The following XKR6 variants were observed in gnomAD, a reference collection of about 807,000 sequenced individuals.
XKR6 encodes the protein XK related 6, also known as XK-related protein 6.
Under a neutral mutation model 56.7 loss-of-function variants are expected in XKR6, and 22 were observed. That is an observed-to-expected ratio of 0.39 (90% confidence interval 0.28 to 0.55). The LOEUF (loss-of-function observed/expected upper bound fraction) is 0.55. Among genes scored for constraint, XKR6 ranks in the 20% least tolerant of loss-of-function variants. The pLI, the probability that XKR6 is intolerant of heterozygous loss-of-function variation, is 0.66. For missense variants in XKR6, 852 were observed against 889.0 expected (o/e 0.96, Z 0.53); for synonymous variants, 524 against 387.8 (o/e 1.35, Z -4.13).
At chr8:11,033,924 C>A (rs1235559359) in intron 1 of XKR6, among the ~76,000 whole-genome samples, 1 of 152,164 alleles carries the variant, frequency 6.6e-6, no homozygotes, top group African/African-American at 2.4e-5. Flanking sequence ...GAAACTGAGG[C>A]CTGCAGAGAA....
intron 1 of XKR6, among the ~76,000 whole-genome samples, chr8:11,073,373 T>G (rs1203508571): frequency 6.6e-6 from 1 of 152,060 alleles, no homozygotes; most frequent in Non-Finnish European, 1.5e-5. Context: ...CAGAGATGCA[T>G]CCTGCCTCCA....
At chr8:10,925,270 G>A (rs574640630) in intron 1 of XKR6, among the ~76,000 whole-genome samples, 7 of 152,316 alleles carry the variant, frequency 4.6e-5, no homozygotes, top group Admixed American at 1.3e-4. Flanking sequence ...GGAAGCGGGT[G>A]AACATTTCTG....
chr8:11,168,476 CAGAT>C (rs1269005900), intron 1 of XKR6, among the ~76,000 whole-genome samples: 2 of 152,030 alleles, frequency 1.3e-5, no homozygotes, highest in African/African-American at 2.4e-5. Context: ...TATTCAATAA[CAGAT>C]AGAAGAACTT....
At chr8:11,079,201 C>T (rs193162696) in intron 1 of XKR6, among the ~76,000 whole-genome samples, 47 of 152,288 alleles carry the variant, frequency 3.1e-4, no homozygotes, top group African/African-American at 1.1e-3. Flanking sequence ...GGGCAGAGCT[C>T]TGTGTGTGTC....
intron 1 of XKR6, among the ~76,000 whole-genome samples, chr8:11,192,183 G>T (rs1031977678): frequency 6.6e-6 from 1 of 151,892 alleles, no homozygotes; most frequent in Non-Finnish European, 1.5e-5. Flanking sequence ...TTGTGAGGTG[G>T]AGTCTCGCTC....
At chr8:11,000,643 C>T (rs1355442600) in intron 1 of XKR6, among the ~76,000 whole-genome samples, 1 of 152,170 alleles carries the variant, frequency 6.6e-6, no homozygotes, top group African/African-American at 2.4e-5. Flanking sequence ...CAAGATCGCA[C>T]CACTGCACTC....
intron 1 of XKR6, among the ~76,000 whole-genome samples, chr8:11,011,869 G>A (rs1014663806): frequency 1.3e-5 from 2 of 152,196 alleles, no homozygotes; most frequent in Admixed American, 6.5e-5. Context: ...CTGGGGAGGG[G>A]GATAGCATGA....
chr8:10,984,732 C>CTATATATATATATATATATATATATATA (rs58774414), intron 1 of XKR6, among the ~76,000 whole-genome samples: 17 of 47,478 alleles, frequency 3.6e-4, no homozygotes, highest in Admixed American at 6.0e-4. Flanking sequence ...CTCTCTCTCT[C>CTATATATATATATATATATATATATATA]TATATATATA....
chr8:11,172,887 G>T (rs1186190354), intron 1 of XKR6, among the ~76,000 whole-genome samples: 1 of 152,074 alleles, frequency 6.6e-6, no homozygotes, highest in Non-Finnish European at 1.5e-5. Context: ...AAAACCACAA[G>T]AAAGATTCTT....
chr8:11,020,347 A>T (rs35083028), intron 1 of XKR6, among the ~76,000 whole-genome samples: 13 of 152,054 alleles, frequency 8.5e-5, no homozygotes, highest in African/African-American at 3.1e-4. Context: ...AAATGCATCC[A>T]TCCATCCATC....
chr8:11,066,458 T>C (rs1033754130), intron 1 of XKR6, among the ~76,000 whole-genome samples: 1 of 152,240 alleles, frequency 6.6e-6, no homozygotes, highest in Non-Finnish European at 1.5e-5. Flanking sequence ...CTAGTTGTGG[T>C]TCTGCCTCCT....
intron 2 of XKR6, among the ~76,000 whole-genome samples, chr8:10,914,773 G>A (rs1445303613): frequency 1.3e-5 from 2 of 152,220 alleles, no homozygotes; most frequent in African/African-American, 4.8e-5. Flanking sequence ...CCCTGGGGCA[G>A]GCCAGGCTGT....
At position 11,200,399 on chromosome 8, in the gene XKR6, G is replaced by C. The variant is rs142546866; in HGVS notation, c.764+177C>G. Among the ~76,000 whole-genome samples the C allele has an allele frequency of 7.1e-4, 108 of 152,346 alleles. No homozygotes were observed. The highest frequency in any genetic ancestry group is 1.2e-3 in the Non-Finnish European group (82 of 68,024). On this transcript the variant is annotated intron_variant, in intron 1 of 2. Transcript: ENST00000416569. The surrounding 1 kb of genome is among the most constrained non-coding windows in gnomAD (Gnocchi z 6.4). ...GTCTCGGCCTCCCCGGGCCAAAGGCGTGGCCAGGGATCCAGATCAAACGCC... is the reference window on the plus strand; with the variant it reads ...GTCTCGGCCTCCCCGGGCCAAAGGCCTGGCCAGGGATCCAGATCAAACGCC...
intron 1 of XKR6, among the ~76,000 whole-genome samples, chr8:11,196,017 G>A (rs1231162532): frequency 2.7e-5 from 4 of 149,562 alleles, no homozygotes; most frequent in Non-Finnish European, 4.4e-5. Flanking sequence ...AGCATATAAA[G>A]TACACTCTCT....
At chr8:10,953,858 C>T (rs930946635) in intron 1 of XKR6, among the ~76,000 whole-genome samples, 1 of 152,200 alleles carries the variant, frequency 6.6e-6, no homozygotes, top group African/African-American at 2.4e-5. Context: ...TGCTAGTCTA[C>T]TTTCTGTCTC....
Position 10,951,239 on chromosome 8 carries a change from TG to T in XKR6, c.765-26410del, listed in dbSNP as rs370418440. ...AGCAAATAGTGATGGAAACTCATGC[TG>T]GGGGGACAAGGGCTGTGGGGAAAAT... On this transcript the variant is annotated intron_variant, in intron 1 of 2. Transcript: ENST00000416569. 6.2e-3 allele frequency among the ~76,000 whole-genome samples: 829 copies of T among 132,978 alleles called. 8 individuals carry two copies. The highest frequency in any genetic ancestry group is 0.023 in the African/African-American group (791 of 34,660). 87.2% of individuals were successfully genotyped at this position (132,978 alleles called of 152,430 possible). A position where few individuals can be genotyped will look rare whatever the true frequency, so the allele number is the denominator to read the frequency against.
chr8:11,000,031 A>G (rs540563822), intron 1 of XKR6, among the ~76,000 whole-genome samples: 1 of 152,344 alleles, frequency 6.6e-6, no homozygotes, highest in African/African-American at 2.4e-5. Context: ...GACAACTTCA[A>G]AACTCCACTT....
chr8:11,014,142 C>A (rs969075335), intron 1 of XKR6, among the ~76,000 whole-genome samples: 2 of 152,122 alleles, frequency 1.3e-5, no homozygotes, highest in Non-Finnish European at 2.9e-5. Flanking sequence ...ACTCTGGTAC[C>A]GGGTCAGCAT....
chr8:11,060,516 G>C (rs866534571), intron 1 of XKR6, among the ~76,000 whole-genome samples: 1 of 152,198 alleles, frequency 6.6e-6, no homozygotes, highest in Non-Finnish European at 1.5e-5. Flanking sequence ...CCTGATCCTC[G>C]GATGCCCAGG....
Sources: allele counts gnomAD v4.1 joint callset (sites outside exome capture counted in the v4.1 genomes callset), GRCh38; gene constraint gnomAD v4.1.1; non-coding constraint Gnocchi (gnomAD v3.1); transcripts MANE v1.5; gene names NCBI Gene and HGNC (gene_info 2026-07-23, HGNC 2026-07-21).